FOCAD: variants seen among roughly 807,000 people sequenced by gnomAD.
FOCAD encodes KIAA1797.
A neutral mutation model predicts 225.6 loss-of-function variants in FOCAD; 198 were observed. The observed-to-expected ratio is 0.88, with a 90% CI of 0.78 to 0.99. The LOEUF (loss-of-function observed/expected upper bound fraction) is 0.99, where lower values mean the gene tolerates loss of function less well. FOCAD is among the 50% of genes least tolerant of loss of function. The pLI is 0.00. For missense variants in FOCAD, 2,713 were observed against 2,123.6 expected, an observed-to-expected ratio of 1.28 and a Z score of -5.46; for synonymous variants, 897 against 755.0, an observed-to-expected ratio of 1.19 and a Z score of -3.08.
intron 35 of FOCAD, among the ~76,000 whole-genome samples, chr9:20,964,164 G>A (rs1202468350): frequency 6.6e-6 from 1 of 151,976 alleles, no homozygotes; most frequent in African/African-American, 2.4e-5. Flanking sequence ...TCAGGAGTTC[G>A]AGACCAGCCT....
intron 15 of FOCAD, among the ~76,000 whole-genome samples, chr9:20,835,936 G>T (rs953289973): frequency 1.3e-5 from 2 of 152,042 alleles, no homozygotes; most frequent in Non-Finnish European, 2.9e-5. Context: ...ATTCTTGACC[G>T]CTAGAAGAGT....
chr9:20,847,774 A>T (rs944372183), intron 15 of FOCAD, among the ~76,000 whole-genome samples: 2 of 152,126 alleles, frequency 1.3e-5, no homozygotes, highest in African/African-American at 4.8e-5. Context: ...AATAGAAAAA[A>T]CATAAATGTC....
intron 11 of FOCAD, among the ~76,000 whole-genome samples, chr9:20,812,256 A>G (rs1823159036): frequency 6.6e-6 from 1 of 152,012 alleles, no homozygotes; most frequent in African/African-American, 2.4e-5. Context: ...TTTTCTATTT[A>G]TACTAATTTA....
intron 7 of FOCAD, among the ~76,000 whole-genome samples, chr9:20,765,752 C>A (rs1017314076): frequency 3.9e-5 from 6 of 152,176 alleles, no homozygotes; most frequent in Admixed American, 2.6e-4. Context: ...AATCCAGTTG[C>A]CCAGGTGTTG....
intron 9 of FOCAD, among the ~76,000 whole-genome samples, chr9:20,779,455 G>T (rs1301710832): frequency 2.6e-5 from 4 of 152,132 alleles, no homozygotes; most frequent in Non-Finnish European, 5.9e-5. Flanking sequence ...GTTTTAAAAA[G>T]TACGTGAGAG....
At chr9:20,894,339 T>A (rs760509339) in intron 21 of FOCAD, among the ~76,000 whole-genome samples, 3 of 152,166 alleles carry the variant, frequency 2.0e-5, no homozygotes, top group Non-Finnish European at 4.4e-5. Flanking sequence ...ACTTTAAACA[T>A]CTTTGTGCAG....
At chr9:20,661,206 G>A (rs541235831) in intron 2 of FOCAD, among the ~76,000 whole-genome samples, 1 of 152,300 alleles carries the variant, frequency 6.6e-6, no homozygotes, top group African/African-American at 2.4e-5. Flanking sequence ...AAATGTGGTA[G>A]AGGAGAATGG....
In FOCAD at chr9:20,933,074, T is replaced by C. The variant is rs549492820; in HGVS notation, c.3378T>C (p.Asn1126=). The change falls in exon 28 of 44, where the codon AAT becomes AAC. Residue 1126 remains asparagine (N), a synonymous_variant. Coordinates refer to ENST00000338382, the MANE Select transcript of FOCAD (RefSeq NM_001375567.1). The part of the protein sequence containing the change: ...LLMKSLDALE[N]CCFDTSLEYN... ...TGAAGTCGTTGGATGCCCTGGAAAA[T>C]TGCTGCTTTGACACTAGTCTTGAAT... 2 of 1,614,018 alleles carry C rather than the reference T, an allele frequency of 1.2e-6. No individual in the cohort carries two copies. Among genetic ancestry groups the C allele is most frequent in the African/African-American group, 2.7e-5 (2 of 75,044 alleles).
chr9:20,944,912 C>G (rs1217071093), intron 29 of FOCAD, 138 bp downstream of exon 29: 4 of 917,362 alleles, frequency 4.4e-6, no homozygotes, highest in Non-Finnish European at 6.3e-6. Flanking sequence ...GACAAACAAC[C>G]AATATTAGAT....
chr9:20,774,919 C>A (rs1409944602), intron 8 of FOCAD, among the ~76,000 whole-genome samples: 1 of 152,014 alleles, frequency 6.6e-6, no homozygotes, highest in African/African-American at 2.4e-5. Flanking sequence ...TCTTAGTGTT[C>A]CTGAGGTTAA....
intron 21 of FOCAD, among the ~76,000 whole-genome samples, chr9:20,895,727 C>G (rs1832024622): frequency 6.6e-6 from 1 of 151,572 alleles, no homozygotes; most frequent in African/African-American, 2.4e-5. Context: ...AACCTTGTAT[C>G]TTGCAATTTT....
In FOCAD at chr9:20,929,434, C is replaced by A. The variant is rs143958174; in HGVS notation, c.3155C>A (p.Pro1052Gln). 1.6e-5 allele frequency: 26 copies of A among 1,614,094 alleles called. No individual in the cohort carries two copies. The Middle Eastern group carries it at 6.6e-4, about 41-fold the overall frequency. Reference sequence around the variant, plus strand: ...GCCACGGCTTTGTCTCTCCTTGTGCCAGTTTTCATTATCTCTTGCAAAGAG... The same window carrying A: ...GCCACGGCTTTGTCTCTCCTTGTGCAAGTTTTCATTATCTCTTGCAAAGAG... The part of the protein sequence containing the change: ...AAATALSLLV[P>Q]VFIISCKEKV... The change falls in exon 27 of 44, where the codon CCA becomes CAA. Residue 1052 changes from proline to glutamine, a missense_variant. By Grantham distance (76) the Pro-to-Gln change is moderately conservative. Coordinates refer to ENST00000338382, the MANE Select transcript of FOCAD (RefSeq NM_001375567.1).
chr9:20,830,489 A>G (rs1201840023), intron 15 of FOCAD, among the ~76,000 whole-genome samples: 1 of 151,948 alleles, frequency 6.6e-6, no homozygotes, highest in Non-Finnish European at 1.5e-5. Flanking sequence ...TCATTTTTTC[A>G]TATCCCTTTT....
intron 11 of FOCAD, among the ~76,000 whole-genome samples, chr9:20,816,507 G>C (rs1823741874): frequency 6.6e-6 from 1 of 151,972 alleles, no homozygotes; most frequent in East Asian, 1.9e-4. Context: ...TGTCTGTTGT[G>C]AGATCATAGC....
chr9:20,855,523 A>G (rs887188540), intron 15 of FOCAD, among the ~76,000 whole-genome samples: 1 of 151,740 alleles, frequency 6.6e-6, no homozygotes, highest in African/African-American at 2.4e-5. Flanking sequence ...ATGTTTTGAT[A>G]TAGTCAAACT....
intron 9 of FOCAD, among the ~76,000 whole-genome samples, chr9:20,781,427 TACTAGC>T (rs1819351764): frequency 6.6e-6 from 1 of 152,218 alleles, no homozygotes; most frequent in Non-Finnish European, 1.5e-5. Context: ...CTGAGGGCAA[TACTAGC>T]ATCTCAGAGG....
intron 24 of FOCAD, among the ~76,000 whole-genome samples, chr9:20,919,568 A>G (rs1304707643): frequency 6.6e-6 from 1 of 152,190 alleles, no homozygotes; most frequent in Non-Finnish European, 1.5e-5. Flanking sequence ...ACTATACTAC[A>G]AGGCTACAGT....
rs7875153 is a variant in FOCAD at position 20,778,632 on chromosome 9, A to G, written c.907-49A>G. ...CCTGGATACATGTTACAAAGCCATG[A>G]TTCTGGGAACTTCTTTAACAACTCC... On this transcript the variant is annotated intron_variant, in intron 8 of 43. Coordinates refer to ENST00000338382, the MANE Select transcript of FOCAD (RefSeq NM_001375567.1). 850,840 of 996,018 alleles carry G rather than the reference A, an allele frequency of 0.85. 364,082 individuals are homozygous for G. Among genetic ancestry groups the G allele is most frequent in the Admixed American group, 0.92 (51,901 of 56,170 alleles). 61.7% of individuals were successfully genotyped at this position (996,018 alleles called of 1,614,324 possible). A position where few individuals can be genotyped will look rare whatever the true frequency, so the allele number is the denominator to read the frequency against.
At chr9:20,768,079 G>A (rs1273749417) in intron 7 of FOCAD, among the ~76,000 whole-genome samples, 3 of 149,962 alleles carry the variant, frequency 2.0e-5, no homozygotes. Context: ...TTATTAAATA[G>A]GGAATCCTTT....
Sources: allele counts gnomAD v4.1 joint callset (sites outside exome capture counted in the v4.1 genomes callset), GRCh38; gene constraint gnomAD v4.1.1; transcripts MANE v1.5; gene names NCBI Gene and HGNC (gene_info 2026-07-23, HGNC 2026-07-21).